Variants in ZNF77 observed in about 807,000 individuals in gnomAD.
The protein encoded by ZNF77 is ZNFpT1.
Under a neutral mutation model 13.5 loss-of-function variants are expected in ZNF77, and 15 were observed. That is an observed-to-expected ratio of 1.11 (90% CI 0.74 to 1.71). The LOEUF is 1.71. ZNF77 is among the 40% of genes most tolerant of loss of function. The pLI is 0.00. For synonymous variants in ZNF77, 282 were observed against 250.0 expected (o/e 1.13, Z -1.21); for missense variants, 717 against 676.4 (o/e 1.06, Z -0.67).
Position 2,933,423 on chromosome 19 carries a change from C to T in ZNF77, c.*66G>A, listed in dbSNP as rs530261697. On this transcript the variant is annotated 3_prime_UTR_variant, in exon 4 of 4. Coordinates refer to ENST00000314531, the MANE Select transcript of ZNF77 (RefSeq NM_021217.3). Reference sequence around the variant, plus strand: ...TTTCCTACATGCTCTACATAAATAACGTTTCTCACATTTACAACAAGGTTT... The same window carrying T: ...TTTCCTACATGCTCTACATAAATAATGTTTCTCACATTTACAACAAGGTTT... 21 of 1,492,612 alleles carry T rather than the reference C, an allele frequency of 1.4e-5. No individual in the cohort carries two copies. Among genetic ancestry groups the T allele is most frequent in the Middle Eastern group, 2.5e-4 (1 of 4,028 alleles). 92.5% of individuals were successfully genotyped at this position (1,492,612 alleles called of 1,614,324 possible). A position where few individuals can be genotyped will look rare whatever the true frequency, so the allele number is the denominator to read the frequency against.
chr19:2,934,533 T>C lies in ZNF77; in HGVS notation c.594A>G (p.Ala198=), dbSNP rs556797545. The change falls in exon 4 of 4, where the codon GCA becomes GCG. Residue 198 remains alanine (A), a synonymous_variant. Coordinates refer to ENST00000314531, the MANE Select transcript of ZNF77 (RefSeq NM_021217.3). ...KPCNCQDSRT[A]SVTYVKSLSS... ...TGAGACTTTTCACGTATGTCACAGA[T>C]GCTGTCCTTGAGTCCTGGCAATTAC... 9 of 1,614,236 alleles carry C rather than the reference T, an allele frequency of 5.6e-6. No individual in the cohort carries two copies. In the South Asian group the frequency reaches 6.6e-5, roughly 12 times the overall value.
chr19:2,933,775 A>G lies in ZNF77; in HGVS notation c.1352T>C (p.Leu451Pro). ...GCTGTGGGTTCGCACATGCTCTCGA[A>G]GGGAGGAGTGACAGCTGAAGGCTTT... ...CGKAFSCHSS[L>P]REHVRTHSGE... is the part of the protein sequence containing the mutation. Residue 451 changes from leucine (L) to proline (P), a missense_variant, in exon 4 of 4, where the codon CTT becomes CCT. Leu to Pro is a moderately conservative substitution (Grantham distance 98). Transcript: ENST00000314531. The G allele has an allele frequency of 6.2e-7, 1 of 1,613,334 alleles. No homozygotes were observed. Among genetic ancestry groups the G allele is most frequent in the Non-Finnish European group, 8.5e-7 (1 of 1,179,358 alleles).
chr19:2,939,873 A>T (rs1276922996), intron 1 of ZNF77: 1 of 168,550 alleles, frequency 5.9e-6, no homozygotes, highest in East Asian at 1.8e-4. Context: ...CCGGCTACTT[A>T]GGAGGGTGAG....
chr19:2,939,478 G>GC lies in ZNF77; in HGVS notation c.4-72dup, dbSNP rs1284678690. 3.2e-6 allele frequency: 5 copies of GC among 1,587,272 alleles called. No individual in the cohort carries two copies. The African/African-American group carries it at 6.7e-5, about 21-fold the overall frequency. ...CCATGTGCGCAGGAAGAGGGGTGAG[G>GC]CTGACAGCCTGGGGAACTGAGCCAC... is the stretch of plus-strand genomic sequence containing the variant. On this transcript the variant is annotated intron_variant, in intron 1 of 3. Coordinates refer to ENST00000314531, the MANE Select transcript of ZNF77 (RefSeq NM_021217.3).
rs1456819895 is a variant in ZNF77 at position 2,934,545 on chromosome 19, G to C, written c.582C>G (p.Asp194Glu). The change falls in exon 4 of 4, where the codon GAC becomes GAG. Residue 194 changes from aspartate (D) to glutamate (E), a missense_variant. By Grantham distance (45) the Asp-to-Glu change is conservative. Transcript: ENST00000314531. ...QTVEKPCNCQ[D>E]SRTASVTYVK... ...CGTATGTCACAGATGCTGTCCTTGA[G>C]TCCTGGCAATTACAGGGTTTCTCTA... 1.2e-6 allele frequency: 2 copies of C among 1,614,196 alleles called. No homozygotes were observed.
Position 2,934,423 on chromosome 19 carries a change from T to C in ZNF77, c.704A>G (p.His235Arg), listed in dbSNP as rs1453978689. ...SSFRGHVNSH[H>R]GQKTHACKVC... is the part of the protein sequence containing the mutation. ...TTTACATGCATGGGTTTTCTGCCCA[T>C]GATGACTATTCACATGTCCCCTGAA... is the stretch of plus-strand genomic sequence containing the variant. Residue 235 changes from histidine (H) to arginine (R), a missense_variant, in exon 4 of 4, where the codon CAT (histidine) becomes CGT (arginine). Physicochemically the swap from His to Arg is conservative, Grantham distance 29. Transcript: ENST00000314531. 1 of 1,614,238 alleles carries C rather than the reference T, an allele frequency of 6.2e-7. No individual in the cohort carries two copies. The highest frequency in any genetic ancestry group is 1.3e-5 in the African/African-American group (1 of 75,064).
intron 3 of ZNF77, among the ~76,000 whole-genome samples, chr19:2,935,172 C>T (rs2088384938): frequency 6.6e-6 from 1 of 151,654 alleles, no homozygotes; most frequent in Non-Finnish European, 1.5e-5. Flanking sequence ...GCGCCTGCCA[C>T]CACGCCTGGC....
In ZNF77 at chr19:2,933,288, G is replaced by C; in HGVS notation, c.*201C>G. The C allele has an allele frequency of 2.2e-6, 1 of 464,116 alleles. No individual in the cohort carries two copies. The highest frequency in any genetic ancestry group is 7.0e-5 in the South Asian group (1 of 14,278). The allele number at this position is 464,116 out of a possible 1,614,324, so 28.7% of individuals were successfully genotyped here. On this transcript the variant is annotated 3_prime_UTR_variant, in exon 4 of 4. Coordinates refer to ENST00000314531, the MANE Select transcript of ZNF77 (RefSeq NM_021217.3). ...ACATACACTAGAAATTAATACAAAA[G>C]GAATCACTATTAAGGCTGAGGCATG... is the stretch of plus-strand genomic sequence containing the variant.
intron 3 of ZNF77, among the ~76,000 whole-genome samples, chr19:2,935,312 C>G (rs2088386274): frequency 6.7e-6 from 1 of 148,268 alleles, no homozygotes; most frequent in South Asian, 2.1e-4. Context: ...GCCACCACAC[C>G]CAGCCTTTTT....
intron 2 of ZNF77, among the ~76,000 whole-genome samples, chr19:2,938,744 C>T (rs958024297): frequency 6.6e-6 from 1 of 152,090 alleles, no homozygotes; most frequent in Non-Finnish European, 1.5e-5. Flanking sequence ...ATCACGAGGT[C>T]AGGAGATCGA....
rs779720335 is a variant in ZNF77, at chr19:2,933,752, T to G, written c.1375A>C (p.Ser459Arg). Reference protein sequence around the residue: ...SSLREHVRTHSGEKPYECNQC... With the variant: ...SSLREHVRTHRGEKPYECNQC... ...TTACATTCGTACGGTTTCTCTCCGC[T>G]GTGGGTTCGCACATGCTCTCGAAGG... The change falls in exon 4 of 4, where the codon AGC becomes CGC. Residue 459 changes from serine to arginine, a missense_variant. By Grantham distance (110) the Ser-to-Arg change is moderately radical. Transcript: ENST00000314531. 22 of 1,612,922 alleles carry G rather than the reference T, an allele frequency of 1.4e-5. No homozygotes were observed. Among genetic ancestry groups the G allele is most frequent in the Non-Finnish European group, 1.7e-5 (20 of 1,179,088 alleles).
In ZNF77 at chr19:2,934,752, C is replaced by G; in HGVS notation, c.375G>C (p.Gln125His). ...EGHQCGETLSQTANLLVHKSY... is the reference protein window; with the variant it reads ...EGHQCGETLSHTANLLVHKSY... Reference sequence around the variant, plus strand: ...TCTTGTGCACAAGAAGGTTCGCAGTCTGGCTCAAGGTCTCTCCGCATTGAT... The same window carrying G: ...TCTTGTGCACAAGAAGGTTCGCAGTGTGGCTCAAGGTCTCTCCGCATTGAT... Residue 125 changes from glutamine (Q) to histidine (H), a missense_variant, in exon 4 of 4, where the codon CAG (glutamine) becomes CAC (histidine). Gln to His is a conservative substitution (Grantham distance 24). Transcript: ENST00000314531. 1 of 1,614,148 alleles carries G rather than the reference C, an allele frequency of 6.2e-7. No homozygotes were observed. The highest frequency in any genetic ancestry group is 1.1e-5 in the South Asian group (1 of 91,076).
intron 1 of ZNF77, 50 bp from the exon 2 acceptor site, chr19:2,939,457 G>A (rs376000009): frequency 6.2e-7 from 1 of 1,603,316 alleles, no homozygotes; most frequent in Non-Finnish European, 8.5e-7. Context: ...CCTCCCCCAT[G>A]TGCGCAGGAA....
intron 3 of ZNF77, among the ~76,000 whole-genome samples, chr19:2,935,257 A>T (rs1321126711): frequency 6.7e-6 from 1 of 149,786 alleles, no homozygotes; most frequent in African/African-American, 2.5e-5. Context: ...TGACCTCGTG[A>T]TCCGCCTGCC....
Position 2,933,664 on chromosome 19 carries a change from C to A in ZNF77, c.1463G>T (p.Gly488Val). 1.2e-6 allele frequency: 2 copies of A among 1,613,296 alleles called. No individual in the cohort carries two copies. The highest frequency in any genetic ancestry group is 1.7e-6 in the Non-Finnish European group (2 of 1,179,456). The change falls in exon 4 of 4, where the codon GGG (glycine) becomes GTG (valine). Residue 488 changes from glycine (G) to valine (V), a missense_variant. Coordinates refer to ENST00000314531, the MANE Select transcript of ZNF77 (RefSeq NM_021217.3). Reference protein sequence around the residue: ...YFQKHVRSHSGVKPYECTECG... With the variant: ...YFQKHVRSHSVVKPYECTECG... ...TTCAGTACATTCGTAGGGTTTGACCCCACTGTGTGATCTCACATGCTTTTG... is the reference window on the plus strand; with the variant it reads ...TTCAGTACATTCGTAGGGTTTGACCACACTGTGTGATCTCACATGCTTTTG...
intron 2 of ZNF77, among the ~76,000 whole-genome samples, chr19:2,937,206 G>A (rs1441085657): frequency 6.6e-6 from 1 of 152,070 alleles, no homozygotes; most frequent in Admixed American, 6.6e-5. Context: ...GAATAGTGCT[G>A]GATGCGGTGG....
intron 1 of ZNF77, 78 bp from the exon 2 acceptor site, chr19:2,939,485 G>C (rs567800431): frequency 6.3e-7 from 1 of 1,580,744 alleles, no homozygotes; most frequent in Admixed American, 1.7e-5. Context: ...GAGGCTGACA[G>C]CCTGGGGAAC....
At chr19:2,944,815 C>A (rs1263592310) in intron 1 of ZNF77, 23 bp downstream of exon 1, 8 of 1,514,600 alleles carry the variant, frequency 5.3e-6, no homozygotes, top group Non-Finnish European at 7.0e-6. Flanking sequence ...TGGGCCCGGG[C>A]TCGGCTCCCG....
In ZNF77 at chr19:2,934,706, G is replaced by T; in HGVS notation, c.421C>A (p.Pro141Thr). 1 of 1,614,138 alleles carries T rather than the reference G, an allele frequency of 6.2e-7. No individual in the cohort carries two copies. The highest frequency in any genetic ancestry group is 8.5e-7 in the Non-Finnish European group (1 of 1,180,030). The change falls in exon 4 of 4, where the codon CCC becomes ACC. Residue 141 changes from proline (P) to threonine (T), a missense_variant. Coordinates refer to ENST00000314531, the MANE Select transcript of ZNF77 (RefSeq NM_021217.3). ...VHKSYPTEAK[P>T]SECTKCGKAF... ...TTGCCACACTTAGTGCACTCAGAGG[G>T]TTTAGCTTCGGTAGGGTAACTCTTG...
Sources: gnomAD v4.1 joint callset for allele counts (sites outside exome capture counted in the v4.1 genomes callset) on GRCh38, gnomAD v4.1.1 for gene constraint, MANE v1.5 for transcripts, NCBI Gene and HGNC (gene_info 2026-07-23, HGNC 2026-07-21) for gene names.